Variants in CTNNA3 observed in about 807,000 individuals in gnomAD.
CTNNA3 encodes catenin alpha 3.
Under a neutral mutation model 95.7 loss-of-function variants are expected in CTNNA3, and 76 were observed. The ratio of observed to expected loss-of-function variants is 0.79; its 90% CI spans 0.66 to 0.96. The LOEUF (loss-of-function observed/expected upper bound fraction) is 0.96, where lower values mean the gene tolerates loss of function less well. Ranked by LOEUF, CTNNA3 falls within the 40% of genes least tolerant of loss-of-function variation. The pLI, the probability that CTNNA3 is intolerant of heterozygous loss-of-function variation, is 0.00. For synonymous variants in CTNNA3, 431 were observed against 374.4 expected (o/e 1.15, Z -1.74); for missense variants, 1,191 against 1,089.8 (o/e 1.09, Z -1.31).
At chr10:66,165,396 C>A (rs903605766) in intron 13 of CTNNA3, among the ~76,000 whole-genome samples, 15 of 152,092 alleles carry the variant, frequency 9.9e-5, no homozygotes, top group Non-Finnish European at 2.2e-4. Flanking sequence ...AATCATACAT[C>A]AATTTTACTC....
intron 5 of CTNNA3, among the ~76,000 whole-genome samples, chr10:67,376,495 T>C (rs1843693097): frequency 6.6e-6 from 1 of 152,196 alleles, no homozygotes; most frequent in African/African-American, 2.4e-5. Flanking sequence ...TTCTGGGATT[T>C]CCTCCTTGGT....
intron 7 of CTNNA3, among the ~76,000 whole-genome samples, chr10:67,132,930 AG>A (rs1192030849): frequency 6.6e-6 from 1 of 151,660 alleles, no homozygotes; most frequent in Non-Finnish European, 1.5e-5. Flanking sequence ...AGTGGGGGTG[AG>A]GGGGTATGAA....
intron 11 of CTNNA3, among the ~76,000 whole-genome samples, chr10:66,423,696 G>A (rs10997113): frequency 0.11 from 17,255 of 152,058 alleles, 1,387 homozygotes; most frequent in African/African-American, 0.23. Context: ...TCCCCGACAC[G>A]AAAACATTCC....
At chr10:66,805,410 ATTTG>A (rs1033253815) in intron 7 of CTNNA3, among the ~76,000 whole-genome samples, 1 of 151,072 alleles carries the variant, frequency 6.6e-6, no homozygotes, top group African/African-American at 2.4e-5. Context: ...TAAAAATCTC[ATTTG>A]TTTGAAGACT....
At chr10:67,743,110 C>A (rs1353381826) in intron 1 of CTNNA3, among the ~76,000 whole-genome samples, 2 of 151,212 alleles carry the variant, frequency 1.3e-5, no homozygotes, top group Admixed American at 1.3e-4. Flanking sequence ...TGAAACTATT[C>A]CAATCAATAG....
At chr10:66,396,644 G>T (rs1259457528) in intron 11 of CTNNA3, among the ~76,000 whole-genome samples, 1 of 151,896 alleles carries the variant, frequency 6.6e-6, no homozygotes. Flanking sequence ...TTAAAGAAAT[G>T]AGTTTATGGA....
intron 2 of CTNNA3, among the ~76,000 whole-genome samples, chr10:67,632,610 T>A (rs934293172): frequency 1.3e-5 from 2 of 152,100 alleles, no homozygotes; most frequent in African/African-American, 4.8e-5. Context: ...CTGAGCCAAG[T>A]AAAGCAGTAA....
intron 9 of CTNNA3, among the ~76,000 whole-genome samples, chr10:66,652,097 TAAAAAAAAAAA>T (rs59359956): frequency 8.2e-6 from 1 of 122,390 alleles, no homozygotes; most frequent in African/African-American, 2.9e-5. Context: ...CTCAAGGAAC[TAAAAAAAAAAA>T]AAAAAAAAAA....
rs534943579 is a variant in CTNNA3, at chr10:66,684,037, C to A, written c.1282-62253G>T. ...GGGGCTGGAGGTGTGAGACATGGCT[C>A]CTAAAAGTAGGTGTGTCAATGACTA... On this transcript the variant is annotated intron_variant, in intron 9 of 17. Coordinates refer to ENST00000433211, the MANE Select transcript of CTNNA3 (RefSeq NM_013266.4). Among the ~76,000 whole-genome samples, 4 of 152,196 alleles carry A rather than the reference C, an allele frequency of 2.6e-5. No homozygotes were observed. The East Asian group carries it at 7.7e-4, about 29-fold the overall frequency.
intron 17 of CTNNA3, among the ~76,000 whole-genome samples, chr10:65,947,090 GTTT>G (rs57602080): frequency 2.8e-5 from 4 of 143,600 alleles, no homozygotes; most frequent in African/African-American, 1.0e-4. Flanking sequence ...TCTTTTGTTT[GTTT>G]TTTTTTTTTT....
intron 7 of CTNNA3, among the ~76,000 whole-genome samples, chr10:67,014,493 G>C (rs1201974039): frequency 6.6e-6 from 1 of 152,072 alleles, no homozygotes; most frequent in African/African-American, 2.4e-5. Flanking sequence ...TATTCTTCTA[G>C]ACAAAATTAG....
intron 7 of CTNNA3, chr10:67,097,868 C>T: frequency 7.5e-7 from 1 of 1,341,146 alleles, no homozygotes; most frequent in Non-Finnish European, 1.1e-6. Flanking sequence ...AAGATGTGTT[C>T]ATTGTGGACT....
intron 13 of CTNNA3, among the ~76,000 whole-genome samples, chr10:66,212,976 AC>A (rs561687115): frequency 5.9e-5 from 9 of 152,184 alleles, no homozygotes; most frequent in Non-Finnish European, 1.0e-4. Flanking sequence ...AGATCATGCC[AC>A]TGCACTAGAG....
At chr10:66,153,848 TACACACACAC>T (rs148457020) in intron 13 of CTNNA3, among the ~76,000 whole-genome samples, 15 of 148,946 alleles carry the variant, frequency 1.0e-4, no homozygotes, top group African/African-American at 2.2e-4. Context: ...ATAATTTGTT[TACACACACAC>T]ACACACACAC....
At chr10:66,762,892 A>C (rs972472012) in intron 9 of CTNNA3, among the ~76,000 whole-genome samples, 1 of 152,070 alleles carries the variant, frequency 6.6e-6, no homozygotes, top group Non-Finnish European at 1.5e-5. Context: ...GTCTTACTTC[A>C]ACATGTTCAC....
At chr10:67,218,767 T>C (rs1864507848) in intron 6 of CTNNA3, among the ~76,000 whole-genome samples, 1 of 152,210 alleles carries the variant, frequency 6.6e-6, no homozygotes, top group Non-Finnish European at 1.5e-5. Flanking sequence ...GTAAAGTGTA[T>C]AAATGGAACC....
intron 5 of CTNNA3, among the ~76,000 whole-genome samples, chr10:67,478,234 AAAAGT>A (rs1198957019): frequency 6.6e-6 from 1 of 152,198 alleles, no homozygotes; most frequent in Non-Finnish European, 1.5e-5. Flanking sequence ...TGAGAGGAGA[AAAAGT>A]AAACAACCTG....
intron 11 of CTNNA3, among the ~76,000 whole-genome samples, chr10:66,386,701 A>C (rs962533503): frequency 2.2e-4 from 33 of 152,322 alleles, no homozygotes; most frequent in African/African-American, 7.7e-4. Flanking sequence ...AAACTATACT[A>C]CAAGGCTACA....
intron 7 of CTNNA3, among the ~76,000 whole-genome samples, chr10:67,047,922 A>C (rs1564853789): frequency 6.6e-6 from 1 of 152,064 alleles, no homozygotes; most frequent in Non-Finnish European, 1.5e-5. Context: ...GGGTGTTAAA[A>C]GATAATCTTG....
Sources: gnomAD v4.1 joint callset for allele counts (sites outside exome capture counted in the v4.1 genomes callset) on GRCh38, gnomAD v4.1.1 for gene constraint, MANE v1.5 for transcripts, NCBI Gene and HGNC (gene_info 2026-07-23, HGNC 2026-07-21) for gene names.